The following FBF1 variants were observed in gnomAD, a reference collection of about 807,000 sequenced individuals.
FBF1 encodes the protein Fas binding factor 1.
FBF1 carries 119 observed loss-of-function variants against 147.2 expected under a neutral mutation model. That is an observed-to-expected ratio of 0.81 (90% CI 0.70 to 0.94). The LOEUF (loss-of-function observed/expected upper bound fraction) is 0.94, where lower values mean the gene tolerates loss of function less well. FBF1 is among the 40% of genes least tolerant of loss of function. FBF1 has a pLI of 0.00. For missense variants in FBF1, 1,449 were observed against 1,500.8 expected, an observed-to-expected ratio of 0.97 and a Z score of 0.57; for synonymous variants, 601 against 609.0, an observed-to-expected ratio of 0.99 and a Z score of 0.19.
chr17:75,929,945 A>AGGGGGGCCCCCCCCCCCCCCCC, intron 7 of FBF1, 52 bp downstream of exon 7: 1 of 650,898 alleles, frequency 1.5e-6, no homozygotes, highest in Non-Finnish European at 2.8e-6. Context: ...AAATATCATG[A>AGGGGGGCCCCCCCCCCCCCCCC]CCCCACCCCA....
In FBF1 at chr17:75,931,211, G is replaced by A; in HGVS notation, c.228+18C>T. The A allele has an allele frequency of 3.2e-6, 5 of 1,566,126 alleles. No homozygotes were observed. The highest frequency in any genetic ancestry group is 4.3e-6 in the Non-Finnish European group (5 of 1,155,484). ...TCTGGGGATAAGTAGGGAGGTGGAGGGAAACAGCCAGGCTCACCTCAGCAT... is the reference window on the plus strand; with the variant it reads ...TCTGGGGATAAGTAGGGAGGTGGAGAGAAACAGCCAGGCTCACCTCAGCAT... On this transcript the variant is annotated intron_variant, in intron 6 of 29. Transcript: ENST00000636174.
chr17:75,922,601 CT>C lies in FBF1; in HGVS notation c.1425-556del, dbSNP rs1015129524. On this transcript the variant is annotated intron_variant, in intron 14 of 29. Coordinates refer to ENST00000636174, the MANE Select transcript of FBF1 (RefSeq NM_001319193.2). This position sits in a 1 kb window ranked among gnomAD's most constrained non-coding sequence, Gnocchi z 5.0. ...ATTGCCCAGTTCACTCCCCTGGGCT[CT>C]GGCCACAGCACATCTCACCACTTCC... Among the ~76,000 whole-genome samples, 3 of 152,168 alleles carry C rather than the reference CT, an allele frequency of 2.0e-5. No individual in the cohort carries two copies. Among genetic ancestry groups the C allele is most frequent in the African/African-American group, 7.2e-5 (3 of 41,450 alleles).
In FBF1 at chr17:75,919,551, A is replaced by T; in HGVS notation, c.2138+117T>A. ...GTCCTCACTCACTGGACTGGGAGGG[A>T]AGGACCCAACCCCTGTCCAAAGGCT... On this transcript the variant is annotated intron_variant, in intron 20 of 29. Coordinates refer to ENST00000636174, the MANE Select transcript of FBF1 (RefSeq NM_001319193.2). The surrounding 1 kb of genome is among the most constrained non-coding windows in gnomAD (Gnocchi z 5.0). 1 of 1,176,382 alleles carries T rather than the reference A, an allele frequency of 8.5e-7. No homozygotes were observed. The highest frequency in any genetic ancestry group is 1.2e-6 in the Non-Finnish European group (1 of 840,478). The allele number at this position is 1,176,382 out of a possible 1,614,324, so 72.9% of individuals were successfully genotyped here.
intron 5 of FBF1, 71 bp from the exon 6 acceptor site, chr17:75,931,360 G>A (rs1567863477): frequency 1.4e-6 from 2 of 1,387,190 alleles, no homozygotes; most frequent in Non-Finnish European, 1.0e-6. Flanking sequence ...GGGAGGAGTA[G>A]CTTAGAAAGC....
At position 75,922,129 on chromosome 17, in the gene FBF1, C is replaced by A; in HGVS notation, c.1425-83G>T. ...AAGACAGGGCCCAGGACGGGCTTCACACGTGAAGCTCGTGGCCCCCCTTCC... is the reference window on the plus strand; with the variant it reads ...AAGACAGGGCCCAGGACGGGCTTCAAACGTGAAGCTCGTGGCCCCCCTTCC... On this transcript the variant is annotated intron_variant, in intron 14 of 29. Coordinates refer to ENST00000636174, the MANE Select transcript of FBF1 (RefSeq NM_001319193.2). The surrounding 1 kb of genome is among the most constrained non-coding windows in gnomAD (Gnocchi z 5.0). 1 of 1,210,656 alleles carries A rather than the reference C, an allele frequency of 8.3e-7. No individual in the cohort carries two copies. The highest frequency in any genetic ancestry group is 1.2e-6 in the Non-Finnish European group (1 of 850,930). The allele number at this position is 1,210,656 out of a possible 1,614,324, so 75.0% of individuals were successfully genotyped here.
In FBF1 at chr17:75,914,063, C is replaced by CGCCTGGGTCAGGGCT; in HGVS notation, c.2992-28_2992-14dup. On this transcript the variant is annotated splice_polypyrimidine_tract_variant and intron_variant, in intron 26 of 29. Transcript: ENST00000636174. Reference sequence around the variant, plus strand: ...TCTCGGAGGCCACCTGCAGGGAGGCCGCCTGGGTCAGGGCTGCCTGGGCTC... The same window carrying CGCCTGGGTCAGGGCT: ...TCTCGGAGGCCACCTGCAGGGAGGCCGCCTGGGTCAGGGCTGCCTGGGTCAGGGCTGCCTGGGCTC... The CGCCTGGGTCAGGGCT allele has an allele frequency of 6.3e-7, 1 of 1,591,778 alleles. No individual in the cohort carries two copies. Among genetic ancestry groups the CGCCTGGGTCAGGGCT allele is most frequent in the Non-Finnish European group, 8.5e-7 (1 of 1,175,540 alleles).
In FBF1 at chr17:75,922,938, C is replaced by T. The variant is rs892104846; in HGVS notation, c.1424+248G>A. ...ATCAAGTTAGCACCTGTCCCCATGG[C>T]GGTCAGGGCATGAATGTCAACAGCC... On this transcript the variant is annotated intron_variant, in intron 14 of 29. Coordinates refer to ENST00000636174, the MANE Select transcript of FBF1 (RefSeq NM_001319193.2). This position sits in a 1 kb window ranked among gnomAD's most constrained non-coding sequence, Gnocchi z 5.0. Among the ~76,000 whole-genome samples, 2 of 152,218 alleles carry T rather than the reference C, an allele frequency of 1.3e-5. No individual in the cohort carries two copies. Among genetic ancestry groups the T allele is most frequent in the African/African-American group, 4.8e-5 (2 of 41,458 alleles).
chr17:75,914,960 TGA>T, intron 24 of FBF1, 28 bp from the exon 25 acceptor site: 1 of 1,611,258 alleles, frequency 6.2e-7, no homozygotes, highest in South Asian at 1.1e-5. Context: ...AGGCACGGGG[TGA>T]GTGTCCCTGG....
intron 7 of FBF1, 37 bp downstream of exon 7, chr17:75,929,960 C>A (rs1160240991): frequency 8.0e-7 from 1 of 1,243,384 alleles, no homozygotes; most frequent in Non-Finnish European, 1.1e-6. Context: ...ACCCCACCCA[C>A]CCCCAGTTCT....
Position 75,925,907 on chromosome 17 carries a change from T to C in FBF1, c.868+123A>G, listed in dbSNP as rs926712485. On this transcript the variant is annotated intron_variant, in intron 12 of 29. Coordinates refer to ENST00000636174, the MANE Select transcript of FBF1 (RefSeq NM_001319193.2). The surrounding 1 kb of genome is among the most constrained non-coding windows in gnomAD (Gnocchi z 5.0). The stretch of plus-strand genomic sequence containing the variant: ...GGTAAGTATTATTTTGTCTCAGCTA[T>C]AGACGTGTATAATCACATGTGTGTA... 2.0e-5 allele frequency: 27 copies of C among 1,327,474 alleles called. No individual in the cohort carries two copies. In the South Asian group the frequency reaches 3.7e-4, roughly 18 times the overall value. The allele number at this position is 1,327,474 out of a possible 1,614,324, so 82.2% of individuals were successfully genotyped here.
Position 75,940,947 on chromosome 17 carries a change from G to T in FBF1, c.-183C>A, listed in dbSNP as rs1343405202. The T allele has an allele frequency of 6.6e-6, 1 of 152,564 alleles. No individual in the cohort carries two copies. The highest frequency in any genetic ancestry group is 1.5e-5 in the Non-Finnish European group (1 of 68,130). The allele number at this position is 152,564 out of a possible 1,614,324, so 9.5% of individuals were successfully genotyped here. ...GCGCCGTGCCCCCGGAGGTGCGGCC[G>T]CTGGGACCAGCGCCGGCCCTGGCTC... On this transcript the variant is annotated 5_prime_UTR_variant, in exon 1 of 30. Coordinates refer to ENST00000636174, the MANE Select transcript of FBF1 (RefSeq NM_001319193.2).
chr17:75,915,086 G>T lies in FBF1; in HGVS notation c.2559C>A (p.Ala853=). The change falls in exon 24 of 30, where the codon GCC becomes GCA. Residue 853 remains alanine, a synonymous_variant. Coordinates refer to ENST00000636174, the MANE Select transcript of FBF1 (RefSeq NM_001319193.2). ...EQSKAESMQR[A]LEEQRKVTAQ... is the part of the protein sequence containing the mutation. ...CCGTGACCTTCCTTTGCTCCTCTAG[G>T]GCGCGCTGCATGGACTCCGCCTTGG... 6.2e-7 allele frequency: 1 copy of T among 1,613,050 alleles called. No individual in the cohort carries two copies.
chr17:75,913,783 C>T lies in FBF1; in HGVS notation c.3166G>A (p.Asp1056Asn). ...GAGGGCAGGTCCTGTCGTGCGCGGT[C>T]CAGTTGCAGCCTCTGCTGGGCCAGA... ...LSLAQQRLQL[D>N]RARQDLPSSL... Residue 1056 changes from aspartate (D) to asparagine (N), a missense_variant, in exon 28 of 30, where the codon GAC (aspartate) becomes AAC (asparagine). Physicochemically the swap from Asp to Asn is conservative, Grantham distance 23 (BLOSUM62 1). Transcript: ENST00000636174. The T allele has an allele frequency of 6.2e-7, 1 of 1,605,800 alleles. No homozygotes were observed. Among genetic ancestry groups the T allele is most frequent in the South Asian group, 1.1e-5 (1 of 90,560 alleles).
Position 75,909,723 on chromosome 17 carries a change from G to GGCGCCTGGTCCTGACCAATC in FBF1, c.*980_*999dup. The GGCGCCTGGTCCTGACCAATC allele has an allele frequency of 3.4e-6, 2 of 585,050 alleles. No individual in the cohort carries two copies. Among genetic ancestry groups the GGCGCCTGGTCCTGACCAATC allele is most frequent in the Non-Finnish European group, 6.1e-6 (2 of 326,968 alleles). The allele number at this position is 585,050 out of a possible 1,614,324, so 36.2% of individuals were successfully genotyped here. A position where few individuals can be genotyped will look rare whatever the true frequency, so the allele number is the denominator to read the frequency against. ...TGGAGGGGAGAGGCACGTGGCCAGAGGCGCCTGGTCCTGACCAATCTTATA... is the reference window on the plus strand; with the variant it reads ...TGGAGGGGAGAGGCACGTGGCCAGAGGCGCCTGGTCCTGACCAATCGCGCCTGGTCCTGACCAATCTTATA... On this transcript the variant is annotated 3_prime_UTR_variant, in exon 30 of 30. Coordinates refer to ENST00000636174, the MANE Select transcript of FBF1 (RefSeq NM_001319193.2).
rs1467165708 is a variant in FBF1, at chr17:75,910,156, CAGG to C, written c.*564_*566del. The C allele has an allele frequency of 1.2e-5, 5 of 421,838 alleles. No individual in the cohort carries two copies. The highest frequency in any genetic ancestry group is 5.9e-5 in the East Asian group (1 of 17,062). The allele number at this position is 421,838 out of a possible 1,614,324, so 26.1% of individuals were successfully genotyped here. On this transcript the variant is annotated 3_prime_UTR_variant, in exon 30 of 30. Coordinates refer to ENST00000636174, the MANE Select transcript of FBF1 (RefSeq NM_001319193.2). This position sits in a 1 kb window ranked among gnomAD's most constrained non-coding sequence, Gnocchi z 4.1. ...ATAGGGTGGGGGCTCTGGGCAAGCC[CAGG>C]AGGAGGAGGGCCTGGCTGAGTTCCA...
intron 15 of FBF1, 31 bp downstream of exon 15, chr17:75,921,914 C>G (rs1409999549): frequency 6.5e-7 from 1 of 1,527,326 alleles, no homozygotes; most frequent in South Asian, 1.2e-5. Context: ...ACCATGCTCT[C>G]ATTCCCACTC....
At position 75,926,109 on chromosome 17, in the gene FBF1, C is replaced by T. The variant is rs2065559769; in HGVS notation, c.789G>A (p.Met263Ile). The T allele has an allele frequency of 2.5e-6, 4 of 1,611,520 alleles. No individual in the cohort carries two copies. Among genetic ancestry groups the T allele is most frequent in the Non-Finnish European group, 3.4e-6 (4 of 1,179,364 alleles). Residue 263 changes from methionine (M) to isoleucine (I), a missense_variant, in exon 12 of 30, where the codon ATG becomes ATA. Transcript: ENST00000636174. Reference protein sequence around the residue: ...STLDELLGRGMATKLLARPGT... With the variant: ...STLDELLGRGIATKLLARPGT... ...CCGGGCGGGCCAGGAGTTTGGTGGC[C>T]ATGCCTCGACCCAGCAGCTCATCCA...
intron 9 of FBF1, among the ~76,000 whole-genome samples, chr17:75,927,083 C>T (rs949279170): frequency 6.6e-6 from 1 of 152,172 alleles, no homozygotes; most frequent in South Asian, 2.1e-4. Context: ...TGGAGGGCGG[C>T]CCTGGACCTA....
Position 75,925,280 on chromosome 17 carries a change from G to A in FBF1, c.968+67C>T. ...CTCTCGGGTGGGACAGGGGACAGCTGCAGGGGCCTGTCTTCCCAGTGGCCG... is the reference window on the plus strand; with the variant it reads ...CTCTCGGGTGGGACAGGGGACAGCTACAGGGGCCTGTCTTCCCAGTGGCCG... On this transcript the variant is annotated intron_variant, in intron 13 of 29. Coordinates refer to ENST00000636174, the MANE Select transcript of FBF1 (RefSeq NM_001319193.2). The surrounding 1 kb of genome is among the most constrained non-coding windows in gnomAD (Gnocchi z 5.0). 7.9e-7 allele frequency: 1 copy of A among 1,263,226 alleles called. No individual in the cohort carries two copies. The highest frequency in any genetic ancestry group is 1.1e-6 in the Non-Finnish European group (1 of 891,666). The allele number at this position is 1,263,226 out of a possible 1,614,324, so 78.3% of individuals were successfully genotyped here.
Sources: allele counts gnomAD v4.1 joint callset (sites outside exome capture counted in the v4.1 genomes callset), GRCh38; gene constraint gnomAD v4.1.1; non-coding constraint Gnocchi (gnomAD v3.1); transcripts MANE v1.5; gene names NCBI Gene and HGNC (gene_info 2026-07-23, HGNC 2026-07-21).